The following CHEK1 variants were observed in gnomAD, a reference collection of about 807,000 sequenced individuals.
CHEK1 encodes the protein checkpoint kinase 1, also known as serine/threonine-protein kinase Chk1.
A neutral mutation model predicts 60.2 loss-of-function variants in CHEK1; 32 were observed. The observed-to-expected ratio is 0.53, with a 90% confidence interval of 0.40 to 0.71. The LOEUF (loss-of-function observed/expected upper bound fraction) is 0.71. Among genes scored for constraint, CHEK1 ranks in the 30% least tolerant of loss-of-function variants. The probability of loss-of-function intolerance (pLI) is 0.00; values close to 1 mark genes in which losing one functional copy is unlikely to be tolerated. For missense variants in CHEK1, 399 were observed against 564.6 expected (o/e 0.71, Z 2.97); for synonymous variants, 179 against 187.2 (o/e 0.96, Z 0.36).
chr11:125,658,051 G>C (rs1234769613), downstream of CHEK1, among the ~76,000 whole-genome samples: 1 of 152,036 alleles, frequency 6.6e-6, no homozygotes, highest in Non-Finnish European at 1.5e-5. Flanking sequence ...AGTATAAGTT[G>C]TTGTTTTTGT....
At chr11:125,659,593 A>C (rs1372327389), downstream of CHEK1, among the ~76,000 whole-genome samples, 1 of 152,048 alleles carries the variant, frequency 6.6e-6, no homozygotes, top group Admixed American at 6.5e-5. Flanking sequence ...TGTAGTTCTC[A>C]GATCTTTATA....
At chr11:125,645,310 C>G (rs908887149) in intron 11 of CHEK1, among the ~76,000 whole-genome samples, 2 of 152,134 alleles carry the variant, frequency 1.3e-5, no homozygotes, top group Non-Finnish European at 2.9e-5. Context: ...CAATCCCACA[C>G]TTTCTCCCAT....
chr11:125,640,929 A>G (rs751483557), intron 8 of CHEK1, among the ~76,000 whole-genome samples: 9 of 151,978 alleles, frequency 5.9e-5, no homozygotes, highest in Non-Finnish European at 1.2e-4. Flanking sequence ...ATGCCCTGCC[A>G]TAGGTTTTAA....
chr11:125,644,806 C>T (rs1941439820), intron 11 of CHEK1, among the ~76,000 whole-genome samples, 163 bp downstream of exon 11: 2 of 151,954 alleles, frequency 1.3e-5, no homozygotes, highest in Admixed American at 6.6e-5. Flanking sequence ...GTCAGGGGTT[C>T]GAGACCAGCC....
In CHEK1 at chr11:125,655,207, A is replaced by G. The variant is rs755656354; in HGVS notation, c.1336-18A>G. On this transcript the variant is annotated intron_variant, in intron 12 of 12. Transcript: ENST00000438015. Reference sequence around the variant, plus strand: ...GTTTTTGTTTTGACATAATTTTTTAATACTATTTCTAATATAGGGTGATGG... The same window carrying G: ...GTTTTTGTTTTGACATAATTTTTTAGTACTATTTCTAATATAGGGTGATGG... 3 of 1,577,678 alleles carry G rather than the reference A, an allele frequency of 1.9e-6. No individual in the cohort carries two copies. Among genetic ancestry groups the G allele is most frequent in the Non-Finnish European group, 2.6e-6 (3 of 1,153,006 alleles).
chr11:125,680,951 T>A (rs1195174343), downstream of CHEK1: 1 of 590,110 alleles, frequency 1.7e-6, no homozygotes, highest in African/African-American at 1.9e-5. Flanking sequence ...GGTTCTTGTG[T>A]AGCCTGTTCA....
chr11:125,649,641 T>C (rs1941632616), intron 11 of CHEK1: 1 of 151,974 alleles, frequency 6.6e-6, no homozygotes. Context: ...GGTGGGAGGA[T>C]AGTCTGAGCC....
intron 11 of CHEK1, among the ~76,000 whole-genome samples, chr11:125,646,712 C>T (rs931557212): frequency 3.9e-5 from 6 of 152,118 alleles, no homozygotes; most frequent in African/African-American, 1.2e-4. Flanking sequence ...TTTCATCTCT[C>T]TAAAGACTAA....
intron 13 of CHEK1, among the ~76,000 whole-genome samples, chr11:125,671,248 A>AGT (rs1462708538): frequency 2.0e-5 from 3 of 152,050 alleles, no homozygotes; most frequent in Non-Finnish European, 4.4e-5. Flanking sequence ...ACCTATACCT[A>AGT]GTAGACTATT....
chr11:125,659,984 C>G (rs1222381749), downstream of CHEK1, among the ~76,000 whole-genome samples: 1 of 152,156 alleles, frequency 6.6e-6, no homozygotes, highest in East Asian at 1.9e-4. Flanking sequence ...GCTTCTTTCA[C>G]TTAATGGTTT....
In CHEK1 at chr11:125,655,490, A is replaced by G. The variant is rs1941879403; in HGVS notation, c.*170A>G. 1.0e-5 allele frequency: 5 copies of G among 483,864 alleles called. No homozygotes were observed. In the East Asian group the frequency reaches 1.7e-4, roughly 16 times the overall value. 30.0% of individuals were successfully genotyped at this position (483,864 alleles called of 1,614,324 possible). On this transcript the variant is annotated 3_prime_UTR_variant, in exon 13 of 13. Transcript: ENST00000438015. ...ATTTATTTTGTTTGTTCGGCATACA[A>G]ATAATACCTATATCTTAATTGTAAG...
At chr11:125,678,244 C>A, downstream of CHEK1, 2 of 1,614,122 alleles carry the variant, frequency 1.2e-6, no homozygotes, top group East Asian at 4.5e-5. Flanking sequence ...AGTTGCTGAA[C>A]TGAAGTTTGA....
At position 125,663,503 on chromosome 11, in the gene CHEK1, TTTTA is replaced by T. The variant is rs1006914632; in HGVS notation, c.*27+8160_*27+8163del. On this transcript the variant is annotated intron_variant, in intron 13 of 13. Transcript: ENST00000428830. Reference sequence around the variant, plus strand: ...TTTAATATTAGAGAGCAGTTTTTATTTTTATTTGTTTATTTTTATGTATTTTTCC... The same window carrying T: ...TTTAATATTAGAGAGCAGTTTTTATTTTTGTTTATTTTTATGTATTTTTCC... Among the ~76,000 whole-genome samples, 192 of 152,180 alleles carry T rather than the reference TTTTA, an allele frequency of 1.3e-3. 2 individuals are homozygous for T. Among genetic ancestry groups the T allele is most frequent in the African/African-American group, 4.4e-3 (183 of 41,552 alleles).
chr11:125,644,434 A>C (rs2136029344), intron 10 of CHEK1, 78 bp from the exon 11 acceptor site: 2 of 1,535,196 alleles, frequency 1.3e-6, no homozygotes, highest in Non-Finnish European at 1.8e-6. Context: ...AAATAATTTT[A>C]AGTCAGACTA....
chr11:125,678,440 G>A, downstream of CHEK1: 2 of 988,130 alleles, frequency 2.0e-6, no homozygotes, highest in Non-Finnish European at 2.9e-6. Flanking sequence ...TGCAGATGTT[G>A]GGAAAAATCA....
intron 13 of CHEK1, chr11:125,671,818 C>G (rs551493764): frequency 6.6e-6 from 1 of 152,316 alleles, no homozygotes; most frequent in African/African-American, 2.4e-5. Context: ...TGGGATCTTT[C>G]CTGAGGATCA....
rs1400004414 is a variant in CHEK1 at position 125,656,530 on chromosome 11, C to A, written c.*1210C>A. The A allele has an allele frequency of 4.7e-6, 1 of 214,260 alleles. No homozygotes were observed. The highest frequency in any genetic ancestry group is 7.0e-5 in the East Asian group (1 of 14,366). 13.3% of individuals were successfully genotyped at this position (214,260 alleles called of 1,614,324 possible). A position where few individuals can be genotyped will look rare whatever the true frequency, so the allele number is the denominator to read the frequency against. On this transcript the variant is annotated 3_prime_UTR_variant, in exon 13 of 13. Coordinates refer to ENST00000438015, the MANE Select transcript of CHEK1 (RefSeq NM_001114122.3). The stretch of plus-strand genomic sequence containing the variant: ...TTCAAACCTGTTTTATTTATTTGAA[C>A]CTATTTACGGTATGCTTAAGAATTG...
At chr11:125,649,626 C>A (rs1323976374) in intron 11 of CHEK1, 1 of 151,760 alleles carries the variant, frequency 6.6e-6, no homozygotes, top group Admixed American at 6.6e-5. Context: ...ATTGGGGAGG[C>A]TTTAGGTGGG....
chr11:125,625,706 C>G lies in CHEK1; in HGVS notation c.-327C>G. 4 of 641,508 alleles carry G rather than the reference C, an allele frequency of 6.2e-6. No individual in the cohort carries two copies. The South Asian group carries it at 6.8e-5, about 11-fold the overall frequency. The allele number at this position is 641,508 out of a possible 1,614,324, so 39.7% of individuals were successfully genotyped here. ...CAGCAGCGCTCGAGCACCGCCCAGT[C>G]GAGCCTCACACCGGATGCCACTTCA... On this transcript the variant is annotated 5_prime_UTR_variant, in exon 1 of 13. Transcript: ENST00000438015.
Sources: allele counts gnomAD v4.1 joint callset (sites outside exome capture counted in the v4.1 genomes callset), GRCh38; gene constraint gnomAD v4.1.1; transcripts MANE v1.5; gene names NCBI Gene and HGNC (gene_info 2026-07-23, HGNC 2026-07-21).